The following KIAA1217 variants were observed in gnomAD, a reference collection of about 807,000 sequenced individuals.
KIAA1217 encodes sickle tail protein homolog.
Under a neutral mutation model 163.9 loss-of-function variants are expected in KIAA1217, and 88 were observed. That is an observed-to-expected ratio of 0.54 (90% CI 0.45 to 0.64). KIAA1217 has a LOEUF of 0.64. KIAA1217 is among the 30% of genes least tolerant of loss of function. The probability of loss-of-function intolerance (pLI) is 0.00; values close to 1 mark genes in which losing one functional copy is unlikely to be tolerated. For missense variants in KIAA1217, 2,372 were observed against 2,475.0 expected (o/e 0.96, Z 0.88); for synonymous variants, 903 against 923.1 (o/e 0.98, Z 0.39).
chr10:24,143,768 C>T (rs1346229483), intron 2 of KIAA1217, among the ~76,000 whole-genome samples: 1 of 151,448 alleles, frequency 6.6e-6, no homozygotes, highest in African/African-American at 2.4e-5. Flanking sequence ...TATCTGGCCT[C>T]CCCCTAGGCT....
chr10:23,915,038 G>GAAGAAAGAGAACCCTACAAGA (rs922916797), intron 1 of KIAA1217, among the ~76,000 whole-genome samples: 1 of 151,840 alleles, frequency 6.6e-6, no homozygotes, highest in Non-Finnish European at 1.5e-5. Context: ...ACCTGTGACA[G>GAAGAAAGAGAACCCTACAAGA]AAGAAAGAGA....
At chr10:24,029,803 A>G (rs900638318) in intron 2 of KIAA1217, among the ~76,000 whole-genome samples, 2 of 152,156 alleles carry the variant, frequency 1.3e-5, no homozygotes, top group Non-Finnish European at 2.9e-5. Flanking sequence ...TGTCTTTGTT[A>G]AAGTGGGGAG....
At chr10:24,535,118 G>A (rs1025592031) in intron 16 of KIAA1217, among the ~76,000 whole-genome samples, 4 of 152,184 alleles carry the variant, frequency 2.6e-5, no homozygotes, top group African/African-American at 4.8e-5. Flanking sequence ...CACATCTCCA[G>A]GCATCAGAAG....
rs1359225302 is a variant in KIAA1217, at chr10:23,922,041, C to T, written c.-320-85184C>T. 2.6e-5 allele frequency among the ~76,000 whole-genome samples: 4 copies of T among 151,754 alleles called. No homozygotes were observed. In the East Asian group the frequency reaches 5.8e-4, roughly 22 times the overall value. On this transcript the variant is annotated intron_variant, in intron 1 of 18. Coordinates refer to the KIAA1217 transcript ENST00000376462. ...TGTGATGAGAGTGTCAGAACTTTCA[C>T]CCCCCACCCCCCACCAACAGCCTCC... is the stretch of plus-strand genomic sequence containing the variant.
intron 1 of KIAA1217, among the ~76,000 whole-genome samples, chr10:23,753,766 G>A (rs952507141): frequency 6.6e-6 from 1 of 152,258 alleles, no homozygotes; most frequent in Admixed American, 6.5e-5. Context: ...GTTTATCAAT[G>A]AAAAGTAATT....
intron 2 of KIAA1217, among the ~76,000 whole-genome samples, chr10:24,362,988 G>A (rs1211909900): frequency 2.0e-5 from 3 of 151,600 alleles, no homozygotes; most frequent in Admixed American, 2.0e-4. Context: ...GAACAAAAGT[G>A]GAACTTTGGG....
chr10:24,153,415 T>C lies in KIAA1217; in HGVS notation c.-170-66211T>C, dbSNP rs371227586. Among the ~76,000 whole-genome samples, 9 of 152,376 alleles carry C rather than the reference T, an allele frequency of 5.9e-5. No individual in the cohort carries two copies. The East Asian group carries it at 1.2e-3, about 20-fold the overall frequency. ...TGTTCTGTGGTTACATGGTACCATA[T>C]GTCTTTCAGAAGGCACTTGGAGCTT... On this transcript the variant is annotated intron_variant, in intron 2 of 18. Coordinates refer to the KIAA1217 transcript ENST00000376462.
chr10:23,820,711 G>A (rs183179224), intron 1 of KIAA1217, among the ~76,000 whole-genome samples: 10 of 152,326 alleles, frequency 6.6e-5, no homozygotes, highest in Admixed American at 5.9e-4. Context: ...TGGGGCTAAA[G>A]AGAGTGGGAT....
chr10:24,283,419 C>T (rs1418101194), intron 2 of KIAA1217, among the ~76,000 whole-genome samples: 3 of 152,254 alleles, frequency 2.0e-5, no homozygotes, highest in African/African-American at 7.2e-5. Flanking sequence ...GTAATCCCAG[C>T]ACTTTGGGAG....
At chr10:24,007,236 G>T (rs1432442973) in exon 2 of KIAA1217, 1 of 151,764 alleles carries the variant, frequency 6.6e-6, no homozygotes, top group Non-Finnish European at 1.5e-5. Context: ...CGGAGATCCT[G>T]GGGTCCTAAA....
intron 1 of KIAA1217, among the ~76,000 whole-genome samples, chr10:23,769,845 C>T (rs1834717607): frequency 6.6e-6 from 1 of 152,166 alleles, no homozygotes; most frequent in African/African-American, 2.4e-5. Flanking sequence ...TTCTTTCATT[C>T]CAACTTTCTC....
At chr10:24,347,825 G>A (rs1007327633) in intron 2 of KIAA1217, among the ~76,000 whole-genome samples, 3 of 152,080 alleles carry the variant, frequency 2.0e-5, no homozygotes, top group Non-Finnish European at 4.4e-5. Flanking sequence ...TATATTTAAG[G>A]TGTATGACCT....
At chr10:24,383,121 A>G (rs2053541114) in intron 3 of KIAA1217, among the ~76,000 whole-genome samples, 1 of 152,126 alleles carries the variant, frequency 6.6e-6, no homozygotes, top group Non-Finnish European at 1.5e-5. Context: ...TGCTGGGATT[A>G]TAGGCATGAG....
chr10:23,920,012 A>T (rs16924067), intron 1 of KIAA1217, among the ~76,000 whole-genome samples: 2,974 of 152,296 alleles, frequency 0.02, 63 homozygotes, highest in Admixed American at 0.063. Context: ...GTCCTCCAAG[A>T]GAAGATTCCA....
rs1032454846 is a variant in KIAA1217 at position 23,695,243 on chromosome 10, A to C, written c.-321+9A>C. ...GGCAGCCTCGGCCCGAAGTAAGTGC[A>C]GCAGAAGTTTGCGTCGGTTGCCCCG... On this transcript the variant is annotated intron_variant, in intron 1 of 18. Transcript: ENST00000376462. This position sits in a 1 kb window ranked among gnomAD's most constrained non-coding sequence, Gnocchi z 4.9. 6.6e-6 allele frequency: 1 copy of C among 152,476 alleles called. No individual in the cohort carries two copies. The highest frequency in any genetic ancestry group is 2.4e-5 in the African/African-American group (1 of 41,472). The allele number at this position is 152,476 out of a possible 1,614,324, so 9.4% of individuals were successfully genotyped here. A position where few individuals can be genotyped will look rare whatever the true frequency, so the allele number is the denominator to read the frequency against.
rs1338262068 is a variant in KIAA1217, at chr10:23,961,989, A to G, written c.-320-45236A>G. On this transcript the variant is annotated intron_variant, in intron 1 of 18. Transcript: ENST00000376462. ...TAGTTCACCCTAATGATCTCATTTTATCTCGATTACCTCTATAAAGACCCT... is the reference window on the plus strand; with the variant it reads ...TAGTTCACCCTAATGATCTCATTTTGTCTCGATTACCTCTATAAAGACCCT... Among the ~76,000 whole-genome samples the G allele has an allele frequency of 2.6e-5, 4 of 152,302 alleles. No individual in the cohort carries two copies. In the East Asian group the frequency reaches 7.7e-4, roughly 29 times the overall value.
At chr10:23,794,133 G>A (rs1836088511) in intron 1 of KIAA1217, among the ~76,000 whole-genome samples, 1 of 152,116 alleles carries the variant, frequency 6.6e-6, no homozygotes, top group Non-Finnish European at 1.5e-5. Flanking sequence ...CTAGACCAAA[G>A]TGCAGTAAGA....
intron 1 of KIAA1217, among the ~76,000 whole-genome samples, chr10:23,832,385 A>G (rs192620426): frequency 6.6e-6 from 1 of 152,196 alleles, no homozygotes; most frequent in East Asian, 1.9e-4. Flanking sequence ...CGGAACTTCC[A>G]TGTTTTCACC....
At chr10:24,247,023 AC>A (rs11318417) in intron 2 of KIAA1217, among the ~76,000 whole-genome samples, 36,990 of 149,988 alleles carry the variant, frequency 0.25, 5,181 homozygotes, top group East Asian at 0.36. Context: ...AAAAAAAAAA[AC>A]AACCATATAT....
Sources: allele counts gnomAD v4.1 joint callset (sites outside exome capture counted in the v4.1 genomes callset), GRCh38; gene constraint gnomAD v4.1.1; non-coding constraint Gnocchi (gnomAD v3.1); transcripts MANE v1.5; gene names NCBI Gene and HGNC (gene_info 2026-07-23, HGNC 2026-07-21).